The following OOSP1 variants were observed in gnomAD, a reference collection of about 807,000 sequenced individuals.
OOSP1 encodes the protein putative oocyte-secreted protein 1 homolog.
In OOSP1, 11 loss-of-function variants were observed where a neutral mutation model predicts 5.7. That is an observed-to-expected ratio of 1.94 (90% CI 1.22 to 3.20). OOSP1 has a LOEUF of 3.20. OOSP1 is among the 30% of genes most tolerant of loss of function. The pLI, the probability that OOSP1 is intolerant of heterozygous loss-of-function variation, is 0.00. For missense variants in OOSP1, 83 were observed against 54.1 expected (o/e 1.53, Z -1.67); for synonymous variants, 44 against 20.0 (o/e 2.20, Z -3.20).
intron 4 of OOSP1, among the ~76,000 whole-genome samples, chr11:59,954,960 A>T (rs1853979725): frequency 6.6e-6 from 1 of 151,950 alleles, no homozygotes; most frequent in Non-Finnish European, 1.5e-5. Context: ...AGAAATCAAG[A>T]ATCCTTTTGT....
chr11:59,948,851 A>G (rs112488077), intron 4 of OOSP1: 1 of 397,674 alleles, frequency 2.5e-6, no homozygotes, highest in Non-Finnish European at 4.4e-6. Context: ...CTATTTTGTG[A>G]AAATCTGAGA....
chr11:59,956,758 T>C (rs942544090), intron 4 of OOSP1, among the ~76,000 whole-genome samples: 3 of 152,072 alleles, frequency 2.0e-5, no homozygotes, highest in African/African-American at 4.8e-5. Context: ...CTTATGCCTT[T>C]GCGTCCTCAT....
intron 1 of OOSP1, 82 bp from the exon 2 acceptor site, chr11:59,942,765 T>C (rs1025459444): frequency 2.1e-5 from 13 of 616,112 alleles, no homozygotes; most frequent in Non-Finnish European, 2.9e-5. Flanking sequence ...TCTCTTCATT[T>C]GTATTAACAG....
At chr11:59,951,274 A>G (rs1853936894) in intron 4 of OOSP1, among the ~76,000 whole-genome samples, 3 of 151,928 alleles carry the variant, frequency 2.0e-5, no homozygotes, top group African/African-American at 7.3e-5. Context: ...GAAATTATAC[A>G]CATTTACTTT....
chr11:59,949,977 A>G (rs1853922961), intron 4 of OOSP1, among the ~76,000 whole-genome samples: 1 of 152,202 alleles, frequency 6.6e-6, no homozygotes, highest in South Asian at 2.1e-4. Flanking sequence ...GCTGCTGAAC[A>G]TCTACAGTGC....
chr11:59,955,342 G>T (rs56982794), intron 4 of OOSP1, among the ~76,000 whole-genome samples: 2 of 151,110 alleles, frequency 1.3e-5, no homozygotes, highest in African/African-American at 2.4e-5. Context: ...TATCTTTATG[G>T]TTTTTTTTGT....
chr11:59,951,921 A>G (rs148922284), intron 4 of OOSP1, among the ~76,000 whole-genome samples: 44 of 152,028 alleles, frequency 2.9e-4, no homozygotes, highest in African/African-American at 9.9e-4. Flanking sequence ...TTAGTTCCAA[A>G]GGATTGATTG....
At chr11:59,947,380 C>G (rs1259653521) in intron 3 of OOSP1, among the ~76,000 whole-genome samples, 1 of 152,090 alleles carries the variant, frequency 6.6e-6, no homozygotes, top group Non-Finnish European at 1.5e-5. Flanking sequence ...TCCTCAGTCT[C>G]CACGTAGCTG....
At chr11:59,945,483 T>A (rs1853871858) in intron 3 of OOSP1, 2 of 590,798 alleles carry the variant, frequency 3.4e-6, no homozygotes, top group African/African-American at 1.8e-5. Flanking sequence ...GGCTCACACC[T>A]GTAATCCCAG....
intron 1 of OOSP1, among the ~76,000 whole-genome samples, chr11:59,941,452 TCA>T (rs1318155425): frequency 1.3e-5 from 2 of 152,038 alleles, no homozygotes; most frequent in African/African-American, 4.8e-5. Context: ...CCATCTCGGC[TCA>T]CTGCAACCTC....
chr11:59,949,636 T>G (rs772784147), intron 4 of OOSP1, among the ~76,000 whole-genome samples: 4 of 151,994 alleles, frequency 2.6e-5, no homozygotes, highest in Non-Finnish European at 5.9e-5. Context: ...AAACAATGAG[T>G]GGAGTACCTC....
intron 4 of OOSP1, among the ~76,000 whole-genome samples, chr11:59,955,195 G>A (rs546236912): frequency 6.6e-6 from 1 of 152,130 alleles, no homozygotes; most frequent in South Asian, 2.1e-4. Flanking sequence ...ATATTATATA[G>A]AAAATAAAAT....
At chr11:59,954,049 G>A (rs1282142435) in intron 4 of OOSP1, among the ~76,000 whole-genome samples, 1 of 152,138 alleles carries the variant, frequency 6.6e-6, no homozygotes, top group Non-Finnish European at 1.5e-5. Context: ...GTTGCTTCTA[G>A]GATACAAACC....
chr11:59,947,678 G>T (rs1050598890), intron 3 of OOSP1, 55 bp from the exon 4 acceptor site: 11 of 397,244 alleles, frequency 2.8e-5, no homozygotes, highest in African/African-American at 1.9e-4. Flanking sequence ...TAAATGCTAG[G>T]ATCTGAGTAG....
rs1246059717 is a variant in OOSP1, at chr11:59,951,771, C to T, written c.486+3909C>T. On this transcript the variant is annotated intron_variant, in intron 4 of 4. Transcript: ENST00000646685. ...GTCGCCAGGCTAGAGTGCAGTGGCA[C>T]AGTTTTTTTTTTTTTTTTTTTTTTT... 6.2e-5 allele frequency among the ~76,000 whole-genome samples: 6 copies of T among 97,350 alleles called. No homozygotes were observed. In the South Asian group the frequency reaches 1.1e-3, roughly 18 times the overall value. 63.9% of individuals were successfully genotyped at this position (97,350 alleles called of 152,430 possible).
chr11:59,941,487 C>G (rs1241296439), intron 1 of OOSP1, among the ~76,000 whole-genome samples: 1 of 151,914 alleles, frequency 6.6e-6, no homozygotes, highest in East Asian at 1.9e-4. Flanking sequence ...TCACATGATT[C>G]TCCTGCCTCA....
At chr11:59,943,529 T>G (rs1853852477) in intron 2 of OOSP1, among the ~76,000 whole-genome samples, 2 of 152,230 alleles carry the variant, frequency 1.3e-5, no homozygotes, top group African/African-American at 4.8e-5. Context: ...TAGGTGGTAA[T>G]TGCAAACACT....
intron 1 of OOSP1, among the ~76,000 whole-genome samples, chr11:59,939,242 T>G (rs190796283): frequency 4.6e-4 from 69 of 151,288 alleles, no homozygotes; most frequent in Admixed American, 2.7e-3. Context: ...CTTCCTCCTT[T>G]CCTTCTTTTC....
At chr11:59,953,094 C>G (rs536600861) in intron 4 of OOSP1, among the ~76,000 whole-genome samples, 1 of 152,188 alleles carries the variant, frequency 6.6e-6, no homozygotes, top group South Asian at 2.1e-4. Flanking sequence ...ACCATTTCCT[C>G]CAGTGAGTTT....
Sources: allele counts gnomAD v4.1 joint callset (sites outside exome capture counted in the v4.1 genomes callset), GRCh38; gene constraint gnomAD v4.1.1; transcripts MANE v1.5; gene names NCBI Gene and HGNC (gene_info 2026-07-23, HGNC 2026-07-21).